PINX1: variants seen among roughly 807,000 people sequenced by gnomAD.
PINX1 encodes the protein PIN2 (TERF1) interacting telomerase inhibitor 1.
In PINX1, 34 loss-of-function variants were observed where a neutral mutation model predicts 25.4. The ratio of observed to expected loss-of-function variants is 1.34; its 90% confidence interval spans 1.02 to 1.78. The LOEUF is 1.78. PINX1 is among the 40% of genes most tolerant of loss of function. The pLI is 0.00. For synonymous variants in PINX1, 197 were observed against 147.7 expected (o/e 1.33, Z -2.42); for missense variants, 592 against 404.9 (o/e 1.46, Z -3.97).
intron 6 of PINX1, among the ~76,000 whole-genome samples, chr8:10,812,304 C>G (rs867399387): frequency 6.6e-6 from 1 of 152,148 alleles, no homozygotes; most frequent in Non-Finnish European, 1.5e-5. Context: ...CCTTTGTGGT[C>G]GAGGAAAACG....
chr8:10,792,260 C>A (rs1406978119), intron 6 of PINX1, among the ~76,000 whole-genome samples: 1 of 151,984 alleles, frequency 6.6e-6, no homozygotes. Context: ...CACGTCCGCA[C>A]CCACTGCTAC....
intron 6 of PINX1, among the ~76,000 whole-genome samples, chr8:10,803,924 A>G (rs1450183406): frequency 2.0e-5 from 3 of 152,264 alleles, no homozygotes; most frequent in Non-Finnish European, 4.4e-5. Flanking sequence ...AAGCAAGGAA[A>G]TCAACCTGCA....
Position 10,792,490 on chromosome 8 carries a change from G to C in PINX1, c.472-26574C>G, listed in dbSNP as rs752444. Reference sequence around the variant, plus strand: ...ACGCTGTGCGCTCCCTGAAGGGACAGACTGTGCCTCTTCTTCACAGTCCAT... The same window carrying C: ...ACGCTGTGCGCTCCCTGAAGGGACACACTGTGCCTCTTCTTCACAGTCCAT... On this transcript the variant is annotated intron_variant, in intron 6 of 6. Coordinates refer to ENST00000314787, the MANE Select transcript of PINX1 (RefSeq NM_017884.6). 5.1e-3 allele frequency among the ~76,000 whole-genome samples: 772 copies of C among 152,190 alleles called. 16 individuals are homozygous for C. Among genetic ancestry groups the C allele is most frequent in the Admixed American group, 0.038 (585 of 15,296 alleles).
At chr8:10,768,248 C>T (rs1251292911) in intron 6 of PINX1, among the ~76,000 whole-genome samples, 1 of 152,224 alleles carries the variant, frequency 6.6e-6, no homozygotes, top group Non-Finnish European at 1.5e-5. Flanking sequence ...AGTCTGTGGG[C>T]CACTCTTTTG....
intron 6 of PINX1, among the ~76,000 whole-genome samples, chr8:10,774,075 A>G (rs1268119275): frequency 6.6e-6 from 1 of 152,208 alleles, no homozygotes; most frequent in Non-Finnish European, 1.5e-5. Flanking sequence ...CAGCTTTGAT[A>G]AACAGCTGAG....
At chr8:10,828,247 T>A (rs1327438163) in intron 4 of PINX1, among the ~76,000 whole-genome samples, 2 of 152,238 alleles carry the variant, frequency 1.3e-5, no homozygotes, top group Non-Finnish European at 2.9e-5. Context: ...ATCCTACCAG[T>A]AAATTCTTCT....
chr8:10,778,670 G>A (rs890887032), intron 6 of PINX1, among the ~76,000 whole-genome samples: 1 of 152,150 alleles, frequency 6.6e-6, no homozygotes, highest in Non-Finnish European at 1.5e-5. Context: ...TTAAACTTCA[G>A]AATGGCCCAC....
chr8:10,814,049 C>T (rs1303652559), intron 6 of PINX1, among the ~76,000 whole-genome samples: 3 of 152,206 alleles, frequency 2.0e-5, no homozygotes, highest in African/African-American at 7.2e-5. Context: ...AGGCACCGGT[C>T]AGCACAAGTA....
At chr8:10,809,525 G>C (rs1400851521) in intron 6 of PINX1, among the ~76,000 whole-genome samples, 6 of 152,206 alleles carry the variant, frequency 3.9e-5, no homozygotes, top group Non-Finnish European at 8.8e-5. Flanking sequence ...GAGGCTGTGA[G>C]TAACCCATCT....
chr8:10,799,379 G>A (rs1235002752), intron 6 of PINX1, among the ~76,000 whole-genome samples: 1 of 152,120 alleles, frequency 6.6e-6, no homozygotes, highest in Non-Finnish European at 1.5e-5. Flanking sequence ...TTGAGGCCCC[G>A]AGGCCTGACA....
chr8:10,819,453 T>C (rs1403332638), intron 6 of PINX1, among the ~76,000 whole-genome samples: 1 of 152,226 alleles, frequency 6.6e-6, no homozygotes, highest in Non-Finnish European at 1.5e-5. Context: ...ATTCCAGATT[T>C]TCTCAGACAA....
intron 6 of PINX1, among the ~76,000 whole-genome samples, chr8:10,779,307 C>T (rs928943335): frequency 5.3e-5 from 8 of 152,160 alleles, no homozygotes; most frequent in Non-Finnish European, 8.8e-5. Flanking sequence ...TATAAAATAA[C>T]GAAGTGAATA....
intron 6 of PINX1, among the ~76,000 whole-genome samples, chr8:10,795,579 T>C (rs1303317636): frequency 6.6e-6 from 1 of 152,178 alleles, no homozygotes; most frequent in African/African-American, 2.4e-5. Context: ...TTTTGTATTC[T>C]TAGTAAAGAT....
At chr8:10,819,272 A>G (rs2129085437) in intron 6 of PINX1, among the ~76,000 whole-genome samples, 1 of 152,324 alleles carries the variant, frequency 6.6e-6, no homozygotes, top group East Asian at 1.9e-4. Context: ...ATTAAGAAAC[A>G]AACCACCACC....
intron 6 of PINX1, among the ~76,000 whole-genome samples, chr8:10,791,682 C>T (rs10107303): frequency 0.23 from 34,701 of 152,112 alleles, 4,121 homozygotes; most frequent in East Asian, 0.33. Flanking sequence ...ATCTTTGTGG[C>T]GGCTGCTGAT....
intron 6 of PINX1, among the ~76,000 whole-genome samples, chr8:10,774,021 C>G (rs1801311185): frequency 6.6e-6 from 1 of 152,154 alleles, no homozygotes. Flanking sequence ...TTTATAATTC[C>G]AGGTCAAATC....
intron 6 of PINX1, among the ~76,000 whole-genome samples, chr8:10,799,185 C>G (rs1388027071): frequency 6.6e-6 from 1 of 151,554 alleles, no homozygotes; most frequent in Non-Finnish European, 1.5e-5. Context: ...GGACAGAGTA[C>G]CTGCAAAAAG....
At position 10,834,729 on chromosome 8, in the gene PINX1, C is replaced by G; in HGVS notation, c.66G>C (p.Trp22Cys). ...GGCCAAACTTGGAATCGTCATTACT[C>G]CAGGCAGTGTTCTGAGGATCCACAG... ...KWAVDPQNTA[W>C]SNDDSKFGQR... The change falls in exon 2 of 7, where the codon TGG (tryptophan) becomes TGC (cysteine). Residue 22 changes from tryptophan to cysteine, a missense_variant. Physicochemically the swap from Trp to Cys is radical, Grantham distance 215. Transcript: ENST00000314787. 1 of 1,613,924 alleles carries G rather than the reference C, an allele frequency of 6.2e-7. No individual in the cohort carries two copies. Among genetic ancestry groups the G allele is most frequent in the Non-Finnish European group, 8.5e-7 (1 of 1,179,838 alleles).
intron 6 of PINX1, among the ~76,000 whole-genome samples, chr8:10,812,234 A>G (rs1233155373): frequency 6.6e-6 from 1 of 152,232 alleles, no homozygotes; most frequent in Non-Finnish European, 1.5e-5. Context: ...GCGCATAAGT[A>G]GATAAAGCCA....
Sources: gnomAD v4.1 joint callset for allele counts (sites outside exome capture counted in the v4.1 genomes callset) on GRCh38, gnomAD v4.1.1 for gene constraint, MANE v1.5 for transcripts, NCBI Gene and HGNC (gene_info 2026-07-23, HGNC 2026-07-21) for gene names.